Variants in MPP3 observed in about 807,000 individuals in gnomAD.
The protein encoded by MPP3 is MAGUK p55 scaffold protein 3.
A neutral mutation model predicts 80.7 loss-of-function variants in MPP3; 48 were observed. That is an observed-to-expected ratio of 0.59 (90% CI 0.47 to 0.76). The LOEUF is 0.76. Ranked by LOEUF, MPP3 falls within the 30% of genes least tolerant of loss-of-function variation. The pLI is 0.00. For synonymous variants in MPP3, 311 were observed against 297.6 expected (o/e 1.04, Z -0.46); for missense variants, 620 against 763.0 (o/e 0.81, Z 2.21).
chr17:43,807,762 C>A (rs747419209), intron 19 of MPP3, among the ~76,000 whole-genome samples: 5 of 152,044 alleles, frequency 3.3e-5, no homozygotes, highest in Admixed American at 1.3e-4. Context: ...TTGAGACCGG[C>A]CTGGCCAACA....
At chr17:43,832,012 C>T in intron 2 of MPP3, 69 bp from the exon 3 acceptor site, 1 of 971,690 alleles carries the variant, frequency 1.0e-6, no homozygotes, top group Non-Finnish European at 1.6e-6. Context: ...ACTGACTACA[C>T]ATCTACTGTG....
chr17:43,810,057 C>T (rs1224734349), intron 18 of MPP3, among the ~76,000 whole-genome samples: 1 of 152,134 alleles, frequency 6.6e-6, no homozygotes, highest in African/African-American at 2.4e-5. Context: ...TAATTTTGAT[C>T]ACTAACTCCC....
intron 17 of MPP3, 46 bp from the exon 18 acceptor site, chr17:43,810,961 CCTAAAT>C: frequency 6.7e-7 from 1 of 1,497,418 alleles, no homozygotes. Flanking sequence ...CCTCAGCTTT[CCTAAAT>C]TAGCAAAGCA....
rs1180464449 is a variant in MPP3 at position 43,831,325 on chromosome 17, C to T, written c.145-4G>A. 3.1e-6 allele frequency: 5 copies of T among 1,613,794 alleles called. No individual in the cohort carries two copies. The highest frequency in any genetic ancestry group is 3.4e-6 in the Non-Finnish European group (4 of 1,179,846). ...AATAGCGAAGCTTCTCATGAATCTG[C>T]AAAGACAGAGTATTTCAGATGCACC... is the stretch of plus-strand genomic sequence containing the variant. On this transcript the variant is annotated splice_polypyrimidine_tract_variant and splice_region_variant and intron_variant, in intron 4 of 19. Transcript: ENST00000398389.
intron 18 of MPP3, 104 bp downstream of exon 18, chr17:43,810,703 A>T: frequency 3.9e-6 from 3 of 765,076 alleles, no homozygotes; most frequent in South Asian, 1.8e-5. Context: ...CCAGTGTTCT[A>T]GACTAAAAAT....
chr17:43,813,098 G>A (rs1437584362), intron 16 of MPP3, among the ~76,000 whole-genome samples: 1 of 152,196 alleles, frequency 6.6e-6, no homozygotes, highest in Non-Finnish European at 1.5e-5. Flanking sequence ...CATTCACACT[G>A]CATCCCTCTG....
chr17:43,810,748 A>G (rs1477615805), intron 18 of MPP3, 59 bp downstream of exon 18: 4 of 1,173,606 alleles, frequency 3.4e-6, no homozygotes, highest in Non-Finnish European at 2.5e-6. Flanking sequence ...TGTAAAATGT[A>G]CAATCCCCTA....
rs370104041 is a variant in MPP3, at chr17:43,818,086, C to T, written c.906G>A (p.Ala302=). Residue 302 remains alanine, a synonymous_variant, in exon 12 of 20, where the codon GCG becomes GCA. Transcript: ENST00000398389. ...GGCTCTGGGGGCTCGGCAGGGTGCC[C>T]GCGGCTCTCCGGTAGCTTAGTCGTC... ...QERRLSYRRA[A]GTLPSPQSLR... 37 of 1,569,318 alleles carry T rather than the reference C, an allele frequency of 2.4e-5. No homozygotes were observed. Among genetic ancestry groups the T allele is most frequent in the African/African-American group, 2.3e-4 (17 of 73,140 alleles).
intron 8 of MPP3, 89 bp downstream of exon 8, chr17:43,827,662 G>T: frequency 8.2e-7 from 1 of 1,226,530 alleles, no homozygotes. Flanking sequence ...TGATAGGAGG[G>T]AGGTAAGGGG....
intron 16 of MPP3, among the ~76,000 whole-genome samples, chr17:43,812,139 T>C (rs1487268026): frequency 1.3e-5 from 2 of 152,168 alleles, no homozygotes; most frequent in African/African-American, 4.8e-5. Flanking sequence ...CACATGGTGT[T>C]TTCTCATTGA....
chr17:43,815,124 G>A (rs2045052303), intron 14 of MPP3, among the ~76,000 whole-genome samples: 1 of 152,204 alleles, frequency 6.6e-6, no homozygotes, highest in Non-Finnish European at 1.5e-5. Context: ...CTTGATCTCA[G>A]GAGTTCAAGA....
At chr17:43,821,872 G>T (rs1214595505) in intron 10 of MPP3, among the ~76,000 whole-genome samples, 1 of 152,154 alleles carries the variant, frequency 6.6e-6, no homozygotes, top group African/African-American at 2.4e-5. Context: ...AGATTCCACT[G>T]GACAACAGTA....
In MPP3 at chr17:43,801,008, G is replaced by T. The variant is rs1480428693; in HGVS notation, c.*693C>A. The T allele has an allele frequency of 6.6e-6, 1 of 152,246 alleles. No homozygotes were observed. The highest frequency in any genetic ancestry group is 2.4e-5 in the African/African-American group (1 of 41,408). 9.4% of individuals were successfully genotyped at this position (152,246 alleles called of 1,614,324 possible). ...GATGGAATAGAACAAATCAAACAAA[G>T]CATGGGCTCGATGTTAGGAATCTGA... is the stretch of plus-strand genomic sequence containing the variant. On this transcript the variant is annotated 3_prime_UTR_variant, in exon 20 of 20. Coordinates refer to ENST00000398389, the MANE Select transcript of MPP3 (RefSeq NM_001932.6).
chr17:43,829,242 CACA>C (rs1440254519), intron 7 of MPP3, among the ~76,000 whole-genome samples: 2 of 152,216 alleles, frequency 1.3e-5, no homozygotes, highest in Admixed American at 1.3e-4. Flanking sequence ...CAGTCTCTGT[CACA>C]ACGACTCAAC....
In MPP3 at chr17:43,827,854, C is replaced by T. The variant is rs537618135; in HGVS notation, c.442-22G>A. On this transcript the variant is annotated intron_variant, in intron 7 of 19. Coordinates refer to ENST00000398389, the MANE Select transcript of MPP3 (RefSeq NM_001932.6). ...CACCCTGAACCCGAGACAGAAGAGA[C>T]AGGTTCTTAAGCAGCAGCTCCAAAC... The T allele has an allele frequency of 8.1e-6, 13 of 1,612,038 alleles. No homozygotes were observed. The South Asian group carries it at 1.3e-4, about 16-fold the overall frequency.
rs377594261 is a variant in MPP3 at position 43,831,305 on chromosome 17, C to G, written c.161G>C (p.Arg54Pro). ...GGTTGGACTTTGCCTTTCATAATAG[C>G]GAAGCTTCTCATGAATCTGCAAAGA... The part of the protein sequence containing the change: ...SYLMKIHEKL[R>P]YYERQSPTPV... Residue 54 changes from arginine to proline, a missense_variant, in exon 5 of 20, where the codon CGC becomes CCC. Arg to Pro is a moderately radical substitution (Grantham distance 103, BLOSUM62 -2). Coordinates refer to ENST00000398389, the MANE Select transcript of MPP3 (RefSeq NM_001932.6). The G allele has an allele frequency of 2.5e-6, 4 of 1,613,966 alleles. No individual in the cohort carries two copies. Among genetic ancestry groups the G allele is most frequent in the Admixed American group, 1.7e-5 (1 of 60,016 alleles).
intron 10 of MPP3, 137 bp from the exon 11 acceptor site, chr17:43,821,195 G>A (rs2045444610): frequency 1.4e-6 from 1 of 723,932 alleles, no homozygotes. Flanking sequence ...AAGCTACTTG[G>A]AAATACACTG....
chr17:43,827,610 G>A (rs2045773553), intron 8 of MPP3, 141 bp downstream of exon 8: 1 of 736,510 alleles, frequency 1.4e-6, no homozygotes, highest in Admixed American at 2.6e-5. Context: ...GAGAATTCCA[G>A]CCACAACCCC....
At chr17:43,826,100 C>T (rs930633896) in intron 8 of MPP3, among the ~76,000 whole-genome samples, 10 of 152,218 alleles carry the variant, frequency 6.6e-5, no homozygotes, top group Non-Finnish European at 1.2e-4. Flanking sequence ...AAGCAGCTTG[C>T]CTAAGGCCAC....
Sources: allele counts gnomAD v4.1 joint callset (sites outside exome capture counted in the v4.1 genomes callset), GRCh38; gene constraint gnomAD v4.1.1; transcripts MANE v1.5; gene names NCBI Gene and HGNC (gene_info 2026-07-23, HGNC 2026-07-21).